Variants in TRIM5 observed in about 807,000 individuals in gnomAD.
The protein encoded by TRIM5 is tripartite motif containing 5, also known as tripartite motif-containing protein 5.
A neutral mutation model predicts 35.6 loss-of-function variants in TRIM5; 31 were observed. The observed-to-expected ratio is 0.87, with a 90% CI of 0.65 to 1.18. TRIM5 has a LOEUF of 1.18. Ranked by LOEUF, TRIM5 falls within the 50% of genes most tolerant of loss-of-function variation. TRIM5 has a pLI of 0.00. For synonymous variants in TRIM5, 243 were observed against 215.6 expected (o/e 1.13, Z -1.11); for missense variants, 609 against 591.6 (o/e 1.03, Z -0.31).
At chr11:5,608,196 G>A in the TRIM5 span, among the ~76,000 whole-genome samples, 1 of 152,180 alleles carries the variant, frequency 6.6e-6, no homozygotes, top group Non-Finnish European at 1.5e-5. Flanking sequence ...ATTTTTTGAT[G>A]TCTTCACATG....
At chr11:5,633,047 C>T in the TRIM5 span, among the ~76,000 whole-genome samples, 1 of 148,394 alleles carries the variant, frequency 6.7e-6, no homozygotes, top group Admixed American at 6.7e-5. Flanking sequence ...ACCATCTTGG[C>T]CAGGCTGGTC....
At chr11:5,642,533 G>T in the TRIM5 span, 2 of 1,611,024 alleles carry the variant, frequency 1.2e-6, no homozygotes, top group Non-Finnish European at 1.7e-6. Flanking sequence ...AAAGACTGTG[G>T]ATGTGGGATT....
chr11:5,642,594 G>C, the TRIM5 span: 1 of 1,498,924 alleles, frequency 6.7e-7, no homozygotes, highest in East Asian at 2.4e-5. Flanking sequence ...TAAAATTGAG[G>C]ACAGAAGAGA....
the TRIM5 span, among the ~76,000 whole-genome samples, chr11:5,654,678 A>C: frequency 6.6e-6 from 1 of 152,218 alleles, no homozygotes; most frequent in Non-Finnish European, 1.5e-5. Flanking sequence ...TTCAAACACT[A>C]TGCGGCACAG....
the TRIM5 span, among the ~76,000 whole-genome samples, chr11:5,616,737 C>CT: frequency 5.6e-3 from 705 of 126,548 alleles, 43 homozygotes; most frequent in African/African-American, 0.018. Flanking sequence ...CGAGAATAAC[C>CT]TTTTTTTTTT....
chr11:5,599,383 A>ATATTTATTTATTTATTTATTTATT, the TRIM5 span, among the ~76,000 whole-genome samples: 18 of 146,936 alleles, frequency 1.2e-4, no homozygotes, highest in South Asian at 2.2e-4. Context: ...TACAATTATT[A>ATATTTATTTATTTATTTATTTATT]TATTTATTTA....
At chr11:5,683,282 G>A (rs1461247878) in intron 1 of TRIM5, among the ~76,000 whole-genome samples, 1 of 152,254 alleles carries the variant, frequency 6.6e-6, no homozygotes, top group Non-Finnish European at 1.5e-5. Context: ...GGGCTGAGGA[G>A]TGCAGGTGCG....
the TRIM5 span, chr11:5,634,530 C>CACACACACACACACATAT: frequency 5.2e-4 from 135 of 262,004 alleles, no homozygotes; most frequent in African/African-American, 4.0e-3. Flanking sequence ...CACACACACA[C>CACACACACACACACATAT]ATATATATAT....
chr11:5,680,807 G>C (rs756074706), intron 1 of TRIM5, among the ~76,000 whole-genome samples: 3 of 152,226 alleles, frequency 2.0e-5, no homozygotes, highest in South Asian at 4.1e-4. Context: ...CAGAGTGAAT[G>C]ACTGTTTCAT....
At chr11:5,666,669 A>G (rs1851166732) in intron 5 of TRIM5, among the ~76,000 whole-genome samples, 1 of 152,222 alleles carries the variant, frequency 6.6e-6, no homozygotes. Context: ...TTGGCAAATG[A>G]GAAATTATGT....
chr11:5,675,115 G>A (rs1472037152), intron 4 of TRIM5, among the ~76,000 whole-genome samples: 4 of 151,720 alleles, frequency 2.6e-5, no homozygotes, highest in South Asian at 2.1e-4. Context: ...TGCAAGCTCC[G>A]CCTCCCGGGT....
Position 5,665,145 on chromosome 11 carries a change from A to C in TRIM5, c.1146T>G (p.Asp382Glu). The change falls in exon 8 of 8, where the codon GAT (aspartate) becomes GAG (glutamate). Residue 382 changes from aspartate to glutamate, a missense_variant. Coordinates refer to ENST00000380034, the MANE Select transcript of TRIM5 (RefSeq NM_033034.3). ...CATTTTTTTCAATATTACACATTGC[A>C]TCAGGTTGGAAGCCAGCACATACCC... ...ILGVCAGFQP[D>E]AMCNIEKNEN... The C allele has an allele frequency of 6.2e-7, 1 of 1,614,088 alleles. No homozygotes were observed. Among genetic ancestry groups the C allele is most frequent in the South Asian group, 1.1e-5 (1 of 91,080 alleles).
At chr11:5,681,387 C>A (rs553359945) in intron 1 of TRIM5, among the ~76,000 whole-genome samples, 18 of 152,274 alleles carry the variant, frequency 1.2e-4, no homozygotes, top group African/African-American at 4.3e-4. Flanking sequence ...GCTTATATAC[C>A]TTCTAAGCTA....
the TRIM5 span, chr11:5,605,090 C>A: frequency 1.8e-6 from 1 of 548,818 alleles, no homozygotes; most frequent in Non-Finnish European, 3.2e-6. Context: ...TAAACGTCAC[C>A]CAGGAATCAC....
At chr11:5,632,652 C>T in the TRIM5 span, 9 of 1,612,808 alleles carry the variant, frequency 5.6e-6, no homozygotes, top group Non-Finnish European at 7.6e-6. Context: ...TCCTACTCTT[C>T]TGTAAGGAGG....
the TRIM5 span, chr11:5,611,415 T>C: frequency 8.3e-7 from 1 of 1,200,106 alleles, no homozygotes; most frequent in Non-Finnish European, 1.2e-6. Context: ...CCTTCTGATC[T>C]TCTGTTTTTC....
At chr11:5,679,273 T>G (rs1378357525) in intron 2 of TRIM5, 104 bp from the exon 3 acceptor site, 7 of 994,922 alleles carry the variant, frequency 7.0e-6, no homozygotes, top group Non-Finnish European at 1.1e-5. Flanking sequence ...GAAACAAATT[T>G]GCAGAAACTG....
the TRIM5 span, among the ~76,000 whole-genome samples, chr11:5,636,306 G>A: frequency 2.6e-5 from 4 of 152,170 alleles, no homozygotes; most frequent in African/African-American, 9.7e-5. Flanking sequence ...TTATATGAAA[G>A]TCTGTAAGTA....
chr11:5,610,891 A>G, the TRIM5 span: 7,767 of 1,614,212 alleles, frequency 4.8e-3, 49 homozygotes, highest in South Asian at 0.01. Context: ...CTGGAAAAGC[A>G]TTATGACTGT....
Sources: allele counts gnomAD v4.1 joint callset (sites outside exome capture counted in the v4.1 genomes callset), GRCh38; gene constraint gnomAD v4.1.1; transcripts MANE v1.5; gene names NCBI Gene and HGNC (gene_info 2026-07-23, HGNC 2026-07-21).